The following NARS2 variants were observed in gnomAD, a reference collection of about 807,000 sequenced individuals.
The protein encoded by NARS2 is asparaginyl-tRNA synthetase.
A neutral mutation model predicts 62.9 loss-of-function variants in NARS2; 60 were observed. The ratio of observed to expected loss-of-function variants is 0.95; its 90% CI spans 0.77 to 1.18. NARS2 has a LOEUF of 1.18. Ranked by LOEUF, NARS2 falls within the 50% of genes most tolerant of loss-of-function variation. NARS2 has a pLI of 0.00. For synonymous variants in NARS2, 196 were observed against 200.0 expected (o/e 0.98, Z 0.17); for missense variants, 619 against 576.4 (o/e 1.07, Z -0.76).
In NARS2 at chr11:78,436,493, T is replaced by C. The variant is rs1591110944; in HGVS notation, c.*177A>G. 1.3e-6 allele frequency: 1 copy of C among 767,104 alleles called. No individual in the cohort carries two copies. Among genetic ancestry groups the C allele is most frequent in the South Asian group, 2.1e-5 (1 of 46,516 alleles). The allele number at this position is 767,104 out of a possible 1,614,324, so 47.5% of individuals were successfully genotyped here. On this transcript the variant is annotated 3_prime_UTR_variant, in exon 14 of 14. Transcript: ENST00000281038. ...TGCGGGAGCTCATCCTTACGTGAAA[T>C]ACCCTCAACTTTCTAAGAAAATCAC...
chr11:78,574,543 C>T lies in NARS2; in HGVS notation c.-55G>A. 1 of 1,518,084 alleles carries T rather than the reference C, an allele frequency of 6.6e-7. No individual in the cohort carries two copies. 94.0% of individuals were successfully genotyped at this position (1,518,084 alleles called of 1,614,324 possible). A position where few individuals can be genotyped will look rare whatever the true frequency, so the allele number is the denominator to read the frequency against. On this transcript the variant is annotated 5_prime_UTR_variant, in exon 1 of 14. Transcript: ENST00000281038. The stretch of plus-strand genomic sequence containing the variant: ...CAGCCCAGACCCCACGGTTCGAACC[C>T]CGCCTGCAGCGGCCCTCCTTTCTCA...
intron 5 of NARS2, among the ~76,000 whole-genome samples, chr11:78,552,287 C>T (rs947323388): frequency 7.2e-5 from 11 of 152,162 alleles, no homozygotes; most frequent in Admixed American, 7.2e-4. Context: ...AGGATGATAG[C>T]CTCCAGTTCC....
rs1555015326 is a variant in NARS2 at position 78,468,310 on chromosome 11, G to GGAAAAAAAA, written c.1026+936_1026+937insTTTTTTTTC. ...ACCTGCTTCTGCAAGCACTAAATCTGAAAAAAAAAAAAAAAAAAGAAAAAA... is the reference window on the plus strand; with the variant it reads ...ACCTGCTTCTGCAAGCACTAAATCTGGAAAAAAAAAAAAAAAAAAAAAAAAAAGAAAAAA... On this transcript the variant is annotated intron_variant, in intron 10 of 13. Coordinates refer to ENST00000281038, the MANE Select transcript of NARS2 (RefSeq NM_024678.6). Among the ~76,000 whole-genome samples, 627 of 67,046 alleles carry GGAAAAAAAA rather than the reference G, an allele frequency of 9.4e-3. 11 individuals are homozygous for GGAAAAAAAA. The highest frequency in any genetic ancestry group is 0.018 in the East Asian group (48 of 2,656). The allele number at this position is 67,046 out of a possible 152,430, so 44.0% of individuals were successfully genotyped here.
chr11:78,506,952 C>T (rs1472294543), intron 6 of NARS2, among the ~76,000 whole-genome samples: 1 of 152,192 alleles, frequency 6.6e-6, no homozygotes, highest in Non-Finnish European at 1.5e-5. Context: ...AGCACAGTAG[C>T]AGTTGCCCAT....
chr11:78,438,980 AT>A (rs928649517), intron 13 of NARS2, among the ~76,000 whole-genome samples: 335 of 145,844 alleles, frequency 2.3e-3, no homozygotes, highest in Middle Eastern at 7.1e-3. Context: ...TATTTAACCA[AT>A]TTTTTTTTTT....
At chr11:78,450,421 G>T (rs1307062301) in intron 11 of NARS2, among the ~76,000 whole-genome samples, 1 of 152,106 alleles carries the variant, frequency 6.6e-6, no homozygotes, top group Non-Finnish European at 1.5e-5. Context: ...TATGCAGGAG[G>T]AACACATATC....
intron 6 of NARS2, among the ~76,000 whole-genome samples, chr11:78,516,159 G>T (rs906732298): frequency 1.3e-5 from 2 of 152,170 alleles, no homozygotes; most frequent in Non-Finnish European, 2.9e-5. Flanking sequence ...TGGCTAAATA[G>T]AATTTATTCA....
chr11:78,450,484 G>A (rs373376009), intron 11 of NARS2, among the ~76,000 whole-genome samples: 3 of 151,948 alleles, frequency 2.0e-5, no homozygotes, highest in Non-Finnish European at 4.4e-5. Context: ...TCTCTCCAGT[G>A]GTCAGTCTCC....
At chr11:78,486,326 G>A (rs1187107639) in intron 7 of NARS2, among the ~76,000 whole-genome samples, 1 of 151,988 alleles carries the variant, frequency 6.6e-6, no homozygotes, top group Non-Finnish European at 1.5e-5. Context: ...CAGTGTGAAG[G>A]AAATTCTGAA....
At chr11:78,458,201 T>C (rs1040125019) in intron 11 of NARS2, among the ~76,000 whole-genome samples, 1 of 152,180 alleles carries the variant, frequency 6.6e-6, no homozygotes, top group Non-Finnish European at 1.5e-5. Context: ...CAGTATTATA[T>C]ACATACACCA....
intron 5 of NARS2, among the ~76,000 whole-genome samples, chr11:78,556,669 T>C (rs1856366148): frequency 1.3e-5 from 2 of 152,250 alleles, no homozygotes; most frequent in Admixed American, 6.5e-5. Flanking sequence ...GATTCTTGAA[T>C]GGCAAATGAA....
At chr11:78,494,126 T>C (rs1328943809) in intron 6 of NARS2, among the ~76,000 whole-genome samples, 1 of 152,188 alleles carries the variant, frequency 6.6e-6, no homozygotes, top group South Asian at 2.1e-4. Flanking sequence ...CAGAGGACTA[T>C]AGCTCAACCA....
chr11:78,444,410 T>G (rs1461532891), intron 11 of NARS2, among the ~76,000 whole-genome samples: 5 of 152,176 alleles, frequency 3.3e-5, no homozygotes, highest in Non-Finnish European at 7.4e-5. Context: ...GATACCATTC[T>G]GGAGTTATCA....
At chr11:78,487,210 G>A (rs1327878419) in intron 7 of NARS2, among the ~76,000 whole-genome samples, 2 of 151,984 alleles carry the variant, frequency 1.3e-5, no homozygotes, top group African/African-American at 2.4e-5. Flanking sequence ...ACAAAAATTA[G>A]TCAGGTATGG....
chr11:78,558,684 G>A (rs757349503), intron 5 of NARS2: 6 of 152,160 alleles, frequency 3.9e-5, no homozygotes, highest in Non-Finnish European at 8.8e-5. Flanking sequence ...AATATCTGCA[G>A]TAAGGGCAGG....
chr11:78,483,425 A>G (rs924651715), intron 7 of NARS2, among the ~76,000 whole-genome samples: 4 of 152,210 alleles, frequency 2.6e-5, no homozygotes, highest in Non-Finnish European at 5.9e-5. Context: ...AGGGTATTCA[A>G]ATAGGAAGAG....
chr11:78,437,547 C>T (rs760920574), intron 13 of NARS2, among the ~76,000 whole-genome samples: 1 of 152,140 alleles, frequency 6.6e-6, no homozygotes, highest in South Asian at 2.1e-4. Context: ...GACAATGGCA[C>T]AGACATGACT....
At position 78,568,611 on chromosome 11, in the gene NARS2, CA is replaced by C. The variant is rs370471508; in HGVS notation, c.372+20del. 24 of 1,608,466 alleles carry C rather than the reference CA, an allele frequency of 1.5e-5. No homozygotes were observed. The Middle Eastern group carries it at 5.0e-4, about 33-fold the overall frequency. On this transcript the variant is annotated intron_variant, in intron 3 of 13. Coordinates refer to ENST00000281038, the MANE Select transcript of NARS2 (RefSeq NM_024678.6). ...TTAATTAAAGCCTAAACAGCCTCCACAAAAGTGTCAGAAATCATACCTTGGC... is the reference window on the plus strand; with the variant it reads ...TTAATTAAAGCCTAAACAGCCTCCACAAAGTGTCAGAAATCATACCTTGGC...
chr11:78,554,237 T>C (rs1856244783), intron 5 of NARS2, among the ~76,000 whole-genome samples: 1 of 152,204 alleles, frequency 6.6e-6, no homozygotes, highest in Non-Finnish European at 1.5e-5. Context: ...CTGGGCTATC[T>C]TGGCTATCTG....
Sources: gnomAD v4.1 joint callset for allele counts (sites outside exome capture counted in the v4.1 genomes callset) on GRCh38, gnomAD v4.1.1 for gene constraint, MANE v1.5 for transcripts, NCBI Gene and HGNC (gene_info 2026-07-23, HGNC 2026-07-21) for gene names.